The following PRKCQ variants were observed in gnomAD, a reference collection of about 807,000 sequenced individuals.
PRKCQ encodes protein kinase C theta.
Under a neutral mutation model 91.2 loss-of-function variants are expected in PRKCQ, and 41 were observed. That is an observed-to-expected ratio of 0.45 (90% CI 0.35 to 0.58). The LOEUF is 0.58. PRKCQ is among the 20% of genes least tolerant of loss of function. The probability of loss-of-function intolerance (pLI) is 0.00; values close to 1 mark genes in which losing one functional copy is unlikely to be tolerated. For synonymous variants in PRKCQ, 307 were observed against 316.9 expected (o/e 0.97, Z 0.33); for missense variants, 673 against 896.5 (o/e 0.75, Z 3.18).
chr10:6,475,591 C>T (rs1331203326), intron 12 of PRKCQ, among the ~76,000 whole-genome samples: 1 of 152,140 alleles, frequency 6.6e-6, no homozygotes, highest in Non-Finnish European at 1.5e-5. Context: ...GAATAACTTC[C>T]TTTAAAAAAT....
chr10:6,394,752 C>T, the PRKCQ span, among the ~76,000 whole-genome samples: 1 of 152,174 alleles, frequency 6.6e-6, no homozygotes, highest in African/African-American at 2.4e-5. Context: ...CCATGCTGCT[C>T]GCAAGAAGCA....
chr10:6,459,464 G>C (rs1043977858), intron 14 of PRKCQ, among the ~76,000 whole-genome samples: 1 of 152,160 alleles, frequency 6.6e-6, no homozygotes, highest in African/African-American at 2.4e-5. Context: ...TGTATGGGTG[G>C]AATGGTGGCC....
At position 6,506,872 on chromosome 10, in the gene PRKCQ, A is replaced by G. The variant is rs183793210; in HGVS notation, c.379+564T>C. Among the ~76,000 whole-genome samples, 133 of 152,298 alleles carry G rather than the reference A, an allele frequency of 8.7e-4. 1 individual carries two copies. The highest frequency in any genetic ancestry group is 3.0e-3 in the African/African-American group (124 of 41,566). ...CAGCCCTGACAGCCTGTCTCAGCAC[A>G]TCGTACCGGGAAATTTCACTTCTGT... On this transcript the variant is annotated intron_variant, in intron 4 of 17. Coordinates refer to ENST00000263125, the MANE Select transcript of PRKCQ (RefSeq NM_006257.5).
intron 12 of PRKCQ, among the ~76,000 whole-genome samples, chr10:6,473,853 AAGG>A (rs1378044541): frequency 1.3e-5 from 2 of 152,216 alleles, no homozygotes; most frequent in Non-Finnish European, 2.9e-5. Context: ...TATCAAGTTC[AAGG>A]AGTTTTTCTT....
rs576645980 is a variant in PRKCQ, at chr10:6,490,846, C to T, written c.790+837G>A. Among the ~76,000 whole-genome samples the T allele has an allele frequency of 1.5e-4, 23 of 150,984 alleles. No homozygotes were observed. In the East Asian group the frequency reaches 2.1e-3, roughly 14 times the overall value. On this transcript the variant is annotated intron_variant, in intron 8 of 17. Coordinates refer to ENST00000263125, the MANE Select transcript of PRKCQ (RefSeq NM_006257.5). ...GGCTCTATTCTCTGGGCTCTGCCCA[C>T]GTCTCTCCCCAACCAGAAAGCAGAG...
chr10:6,577,741 C>T (rs1406354836), intron 1 of PRKCQ, among the ~76,000 whole-genome samples: 1 of 152,078 alleles, frequency 6.6e-6, no homozygotes, highest in Non-Finnish European at 1.5e-5. Context: ...GGGGCAACAA[C>T]ATAATCAGCA....
the PRKCQ span, among the ~76,000 whole-genome samples, chr10:6,417,831 C>A: frequency 2.0e-5 from 3 of 152,194 alleles, no homozygotes; most frequent in Non-Finnish European, 4.4e-5. Context: ...GCTGAAGTAA[C>A]TTTAGATTTT....
chr10:6,399,116 G>C, the PRKCQ span, among the ~76,000 whole-genome samples: 11 of 152,188 alleles, frequency 7.2e-5, no homozygotes. Context: ...TCTGGAGACT[G>C]TCAATGTAAA....
At chr10:6,454,041 T>G (rs1834870627) in intron 15 of PRKCQ, among the ~76,000 whole-genome samples, 1 of 152,166 alleles carries the variant, frequency 6.6e-6, no homozygotes, top group Non-Finnish European at 1.5e-5. Context: ...CTGCACATTA[T>G]GCACATGTAC....
chr10:6,548,385 AT>A (rs1840049266), intron 1 of PRKCQ, among the ~76,000 whole-genome samples: 1 of 151,724 alleles, frequency 6.6e-6, no homozygotes, highest in African/African-American at 2.4e-5. Context: ...ATTACTGGGT[AT>A]ATACCCAAAG....
intron 1 of PRKCQ, among the ~76,000 whole-genome samples, chr10:6,574,255 T>C (rs912099028): frequency 6.6e-6 from 1 of 152,186 alleles, no homozygotes; most frequent in Non-Finnish European, 1.5e-5. Flanking sequence ...GTGCTGTGAG[T>C]TCATGGGCAG....
intron 1 of PRKCQ, among the ~76,000 whole-genome samples, chr10:6,575,696 A>C (rs893136148): frequency 6.6e-6 from 1 of 152,242 alleles, no homozygotes; most frequent in African/African-American, 2.4e-5. Context: ...TGATTGGGTA[A>C]AAAGTTAACT....
At chr10:6,538,291 G>A (rs148577633) in intron 1 of PRKCQ, among the ~76,000 whole-genome samples, 3 of 152,344 alleles carry the variant, frequency 2.0e-5, no homozygotes, top group East Asian at 3.9e-4. Flanking sequence ...ATGCCAGCCT[G>A]GGCCAACCTG....
chr10:6,563,896 A>G (rs556594693), intron 1 of PRKCQ, among the ~76,000 whole-genome samples: 2 of 152,180 alleles, frequency 1.3e-5, no homozygotes, highest in Non-Finnish European at 2.9e-5. Flanking sequence ...GTCCATGTGC[A>G]CAGCATGCCA....
intron 4 of PRKCQ, among the ~76,000 whole-genome samples, chr10:6,507,032 G>T (rs970767319): frequency 1.3e-5 from 2 of 152,124 alleles, no homozygotes; most frequent in Non-Finnish European, 1.5e-5. Flanking sequence ...GGAATATATT[G>T]ATTGACTTCT....
chr10:6,413,946 A>G, the PRKCQ span, among the ~76,000 whole-genome samples: 99,271 of 151,582 alleles, frequency 0.65, 35,203 homozygotes, highest in East Asian at 0.92. Flanking sequence ...AGAAACAACC[A>G]AAATCTAACA....
chr10:6,412,613 A>G, the PRKCQ span, among the ~76,000 whole-genome samples: 1 of 152,388 alleles, frequency 6.6e-6, no homozygotes, highest in Admixed American at 6.5e-5. Context: ...AATAATTCAC[A>G]ACAAAGATAG....
chr10:6,394,206 C>A, the PRKCQ span, among the ~76,000 whole-genome samples: 4 of 152,160 alleles, frequency 2.6e-5, no homozygotes, highest in Non-Finnish European at 4.4e-5. Flanking sequence ...CAGGGTGTAG[C>A]ACTGGCCTTG....
At chr10:6,478,263 C>T (rs1836380736) in intron 12 of PRKCQ, among the ~76,000 whole-genome samples, 1 of 152,166 alleles carries the variant, frequency 6.6e-6, no homozygotes, top group South Asian at 2.1e-4. Flanking sequence ...CAGAGAGAAT[C>T]TATAGAAGGA....
Sources: allele counts gnomAD v4.1 joint callset (sites outside exome capture counted in the v4.1 genomes callset), GRCh38; gene constraint gnomAD v4.1.1; transcripts MANE v1.5; gene names NCBI Gene and HGNC (gene_info 2026-07-23, HGNC 2026-07-21).